GRM8: variants seen among roughly 807,000 people sequenced by gnomAD.
GRM8 encodes metabotropic glutamate receptor 8.
In GRM8, 47 loss-of-function variants were observed where a neutral mutation model predicts 87.2. The observed-to-expected ratio is 0.54, with a 90% confidence interval of 0.43 to 0.69. The LOEUF (loss-of-function observed/expected upper bound fraction) is 0.69, where lower values mean the gene tolerates loss of function less well. Among genes scored for constraint, GRM8 ranks in the 30% least tolerant of loss-of-function variants. The probability of loss-of-function intolerance (pLI) is 0.00; values close to 1 mark genes in which losing one functional copy is unlikely to be tolerated. For missense variants in GRM8, 1,019 were observed against 1,139.2 expected, an observed-to-expected ratio of 0.89 and a Z score of 1.52; for synonymous variants, 396 against 404.5, an observed-to-expected ratio of 0.98 and a Z score of 0.25.
At chr7:126,939,797 C>T (rs1806714731) in intron 3 of GRM8, among the ~76,000 whole-genome samples, 1 of 152,180 alleles carries the variant, frequency 6.6e-6, no homozygotes, top group Non-Finnish European at 1.5e-5. Flanking sequence ...AGACTTCCTC[C>T]ACTCTGTGAA....
At chr7:126,898,107 T>A (rs1041102431) in intron 6 of GRM8, among the ~76,000 whole-genome samples, 2 of 152,200 alleles carry the variant, frequency 1.3e-5, no homozygotes, top group Non-Finnish European at 2.9e-5. Context: ...CTACCAATGA[T>A]GTTCTGAATG....
chr7:126,989,293 GT>G (rs530873485), intron 3 of GRM8, among the ~76,000 whole-genome samples: 2 of 151,840 alleles, frequency 1.3e-5, no homozygotes, highest in African/African-American at 2.4e-5. Flanking sequence ...CACTGAATCT[GT>G]TTTTTTAAAC....
chr7:126,663,534 A>T (rs1050129539), intron 7 of GRM8, among the ~76,000 whole-genome samples: 1 of 152,240 alleles, frequency 6.6e-6, no homozygotes, highest in Non-Finnish European at 1.5e-5. Flanking sequence ...AGAACTTTTT[A>T]AAACCACATG....
intron 3 of GRM8, among the ~76,000 whole-genome samples, chr7:126,969,997 TC>T (rs1810254686): frequency 7.4e-6 from 1 of 134,888 alleles, no homozygotes; most frequent in Non-Finnish European, 1.7e-5. Flanking sequence ...TTGAAAGGAA[TC>T]TTTTTTTTTT....
intron 3 of GRM8, among the ~76,000 whole-genome samples, chr7:127,072,622 C>G (rs918052339): frequency 6.8e-6 from 1 of 148,088 alleles, no homozygotes; most frequent in African/African-American, 2.5e-5. Context: ...AATGCTGAAC[C>G]CTCATATTAT....
chr7:126,871,187 G>A (rs2130900366), intron 6 of GRM8, among the ~76,000 whole-genome samples: 1 of 152,200 alleles, frequency 6.6e-6, no homozygotes, highest in Non-Finnish European at 1.5e-5. Context: ...CACTCACTGG[G>A]TTTTAGAGGA....
chr7:126,808,656 T>C lies in GRM8; in HGVS notation c.1157-38591A>G, dbSNP rs141154398. 2.5e-3 allele frequency among the ~76,000 whole-genome samples: 378 copies of C among 152,328 alleles called. 2 individuals are homozygous for C. Among genetic ancestry groups the C allele is most frequent in the African/African-American group, 8.5e-3 (354 of 41,576 alleles). ...ATATCTCAATCTTTAACTGTAATCC[T>C]TGGGCTCTTGAGTAAAAAACATTCC... is the stretch of plus-strand genomic sequence containing the variant. On this transcript the variant is annotated intron_variant, in intron 6 of 10. Coordinates refer to ENST00000339582, the MANE Select transcript of GRM8 (RefSeq NM_000845.3).
intron 2 of GRM8, among the ~76,000 whole-genome samples, chr7:127,175,962 TTAAAA>T (rs1326297861): frequency 6.6e-6 from 1 of 152,218 alleles, no homozygotes; most frequent in East Asian, 1.9e-4. Flanking sequence ...AACTGTTTAC[TTAAAA>T]TAATAATAGT....
chr7:127,235,442 C>T (rs1427526709), intron 2 of GRM8, among the ~76,000 whole-genome samples: 1 of 152,210 alleles, frequency 6.6e-6, no homozygotes, highest in Non-Finnish European at 1.5e-5. Flanking sequence ...CATCTGGCCC[C>T]TTTGTTGGTC....
At chr7:127,154,052 A>G (rs1792569881) in intron 2 of GRM8, among the ~76,000 whole-genome samples, 1 of 152,058 alleles carries the variant, frequency 6.6e-6, no homozygotes, top group African/African-American at 2.4e-5. Flanking sequence ...GAGTAGCAGG[A>G]TTCTAGAAAC....
At chr7:126,587,597 A>G (rs1368372568) in intron 8 of GRM8, among the ~76,000 whole-genome samples, 4 of 150,552 alleles carry the variant, frequency 2.7e-5, no homozygotes, top group Non-Finnish European at 5.9e-5. Flanking sequence ...CAAACACCGC[A>G]TATTCTCACT....
chr7:127,012,227 C>T (rs184736819), intron 3 of GRM8, among the ~76,000 whole-genome samples: 1 of 152,236 alleles, frequency 6.6e-6, no homozygotes, highest in East Asian at 1.9e-4. Context: ...GTTCCAATAA[C>T]CCAGGCCTAG....
chr7:126,866,384 G>C (rs927474354), intron 6 of GRM8, among the ~76,000 whole-genome samples: 20 of 151,206 alleles, frequency 1.3e-4, no homozygotes, highest in Non-Finnish European at 2.1e-4. Flanking sequence ...CACTTTCTTG[G>C]TGGTTTCCTT....
intron 2 of GRM8, among the ~76,000 whole-genome samples, chr7:127,146,181 GT>G (rs756367077): frequency 6.6e-6 from 1 of 152,010 alleles, no homozygotes; most frequent in Non-Finnish European, 1.5e-5. Context: ...ACTCTGCTTT[GT>G]TTTTTAAGTG....
At chr7:126,977,685 C>T (rs11973055) in intron 3 of GRM8, among the ~76,000 whole-genome samples, 2,623 of 152,272 alleles carry the variant, frequency 0.017, 69 homozygotes, top group African/African-American at 0.06. Flanking sequence ...TATATTCAAA[C>T]GGTGTTAACT....
At chr7:126,849,245 T>C (rs924122044) in intron 6 of GRM8, among the ~76,000 whole-genome samples, 3 of 152,118 alleles carry the variant, frequency 2.0e-5, no homozygotes, top group African/African-American at 7.2e-5. Context: ...CCCATTATAA[T>C]TTTACTGGAC....
intron 2 of GRM8, among the ~76,000 whole-genome samples, chr7:127,179,114 TCAC>T (rs748225794): frequency 2.0e-5 from 3 of 152,004 alleles, no homozygotes; most frequent in Non-Finnish European, 2.9e-5. Context: ...TTCAGGAGAC[TCAC>T]CTACCACATA....
chr7:126,671,206 A>G (rs2151306203), intron 7 of GRM8, among the ~76,000 whole-genome samples: 1 of 152,308 alleles, frequency 6.6e-6, no homozygotes, highest in East Asian at 1.9e-4. Flanking sequence ...TAACAGGTCC[A>G]GGAGCTCCAA....
intron 7 of GRM8, among the ~76,000 whole-genome samples, chr7:126,725,254 C>A (rs774944867): frequency 6.6e-6 from 1 of 152,192 alleles, no homozygotes; most frequent in Non-Finnish European, 1.5e-5. Flanking sequence ...TACATAAATA[C>A]ATGTGACGCA....
Sources: gnomAD v4.1 joint callset for allele counts (sites outside exome capture counted in the v4.1 genomes callset) on GRCh38, gnomAD v4.1.1 for gene constraint, MANE v1.5 for transcripts, NCBI Gene and HGNC (gene_info 2026-07-23, HGNC 2026-07-21) for gene names.